Variants in HLA-DMB observed in about 807,000 individuals in gnomAD.
The protein encoded by HLA-DMB is major histocompatibility complex, class II, DM beta.
In HLA-DMB, 18 loss-of-function variants were observed where a neutral mutation model predicts 29.3. The ratio of observed to expected loss-of-function variants is 0.62; its 90% CI spans 0.43 to 0.91. The LOEUF (loss-of-function observed/expected upper bound fraction) is 0.91, where lower values mean the gene tolerates loss of function less well. HLA-DMB is among the 40% of genes least tolerant of loss of function. The pLI, the probability that HLA-DMB is intolerant of heterozygous loss-of-function variation, is 0.00. For synonymous variants in HLA-DMB, 143 were observed against 128.7 expected (o/e 1.11, Z -0.75); for missense variants, 258 against 320.9 (o/e 0.80, Z 1.50).
At chr6:32,935,897 C>G in intron 3 of HLA-DMB, 2 of 548,036 alleles carry the variant, frequency 3.6e-6, no homozygotes, top group Middle Eastern at 4.8e-4. Context: ...CTTCCAGGTC[C>G]TCTCTAATAC....
rs1776069190 is a variant in HLA-DMB, at chr6:32,937,356, A to G, written c.438T>C (p.Thr146=). 1 of 1,614,196 alleles carries G rather than the reference A, an allele frequency of 6.2e-7. No individual in the cohort carries two copies. The highest frequency in any genetic ancestry group is 1.1e-5 in the South Asian group (1 of 91,088). The change falls in exon 3 of 6, where the codon ACT becomes ACC. Residue 146 remains threonine, a synonymous_variant. Transcript: ENST00000418107. The surrounding 1 kb of genome is among the most constrained non-coding windows in gnomAD (Gnocchi z 4.1). The part of the protein sequence containing the change: ...YVWGFYPAEV[T]ITWRKNGKLV... ...GCTTCCCGTTCTTCCTCCACGTGATAGTCACTTCTGCTGGATAGAAGCCCC... is the reference window on the plus strand; with the variant it reads ...GCTTCCCGTTCTTCCTCCACGTGATGGTCACTTCTGCTGGATAGAAGCCCC...
chr6:32,938,042 A>G (rs1414533021), intron 2 of HLA-DMB: 1 of 153,068 alleles, frequency 6.5e-6, no homozygotes, highest in Non-Finnish European at 1.5e-5. Context: ...CTATCTTGAC[A>G]TTTTTCAAAC....
At chr6:32,940,668 G>A in intron 1 of HLA-DMB, 85 bp downstream of exon 1, 4 of 946,770 alleles carry the variant, frequency 4.2e-6, no homozygotes, top group Non-Finnish European at 4.9e-6. Flanking sequence ...ACTATCTGGG[G>A]TGTCAAATGC....
Position 32,937,064 on chromosome 6 carries a change from A to G in HLA-DMB, c.622+108T>C, listed in dbSNP as rs1273270029. The G allele has an allele frequency of 5.5e-6, 5 of 905,986 alleles. No individual in the cohort carries two copies. The highest frequency in any genetic ancestry group is 8.1e-6 in the Non-Finnish European group (5 of 619,534). 56.1% of individuals were successfully genotyped at this position (905,986 alleles called of 1,614,324 possible). Reference sequence around the variant, plus strand: ...CTAAGCCCCCCGTAAGTTCCTCCAGACTCAGTCCCCATTTTCAGCACTTCG... The same window carrying G: ...CTAAGCCCCCCGTAAGTTCCTCCAGGCTCAGTCCCCATTTTCAGCACTTCG... On this transcript the variant is annotated intron_variant, in intron 3 of 5. Transcript: ENST00000418107. This position sits in a 1 kb window ranked among gnomAD's most constrained non-coding sequence, Gnocchi z 4.1.
In HLA-DMB at chr6:32,937,160, C is replaced by A; in HGVS notation, c.622+12G>T. 1 of 1,570,198 alleles carries A rather than the reference C, an allele frequency of 6.4e-7. No individual in the cohort carries two copies. The highest frequency in any genetic ancestry group is 1.2e-5 in the South Asian group (1 of 84,842). On this transcript the variant is annotated intron_variant, in intron 3 of 5. Transcript: ENST00000418107. This position sits in a 1 kb window ranked among gnomAD's most constrained non-coding sequence, Gnocchi z 4.1. The stretch of plus-strand genomic sequence containing the variant: ...CTTTGACCCTAATTCCATCCATCTG[C>A]CATACACTTACTCCAGTCCCGAAGG...
At chr6:32,939,154 A>G (rs2127470664) in intron 1 of HLA-DMB, among the ~76,000 whole-genome samples, 189 bp from the exon 2 acceptor site, 1 of 152,256 alleles carries the variant, frequency 6.6e-6, no homozygotes, top group Middle Eastern at 3.4e-3. Context: ...ATCGCTTAGA[A>G]TTTCCTAGAT....
chr6:32,936,992 C>A, intron 3 of HLA-DMB, 180 bp downstream of exon 3: 1 of 461,268 alleles, frequency 2.2e-6, no homozygotes, highest in Non-Finnish European at 3.7e-6. Flanking sequence ...TACTTTTGCA[C>A]CAACCTAAAT....
At chr6:32,935,462 A>G in intron 4 of HLA-DMB, 74 bp downstream of exon 4, 1 of 1,505,116 alleles carries the variant, frequency 6.6e-7, no homozygotes. Flanking sequence ...TAGGAAGGAG[A>G]GAGTTAATCA....
Position 32,935,581 on chromosome 6 carries a change from T to C in HLA-DMB, c.694A>G (p.Ile232Val). 3 of 1,612,952 alleles carry C rather than the reference T, an allele frequency of 1.9e-6. No individual in the cohort carries two copies. Among genetic ancestry groups the C allele is most frequent in the Non-Finnish European group, 2.5e-6 (3 of 1,179,990 alleles). The change falls in exon 4 of 6, where the codon ATC becomes GTC. Residue 232 changes from isoleucine (I) to valine (V), a missense_variant. Transcript: ENST00000418107. ...CAGCTGATCACACCAAGAGAGAAGA[T>C]GATGAGGCCCAGGCCCAGAGTCACT... is the stretch of plus-strand genomic sequence containing the variant. ...SAVTLGLGLI[I>V]FSLGVISWRR...
chr6:32,938,597 C>G (rs1776149822), intron 2 of HLA-DMB, 87 bp downstream of exon 2: 1 of 1,295,910 alleles, frequency 7.7e-7, no homozygotes. Context: ...GCTCAAATCT[C>G]AAACCCCTGG....
rs194675 is a variant in HLA-DMB, at chr6:32,937,969, T to C, written c.338-513A>G. On this transcript the variant is annotated intron_variant, in intron 2 of 5. Transcript: ENST00000418107. This position sits in a 1 kb window ranked among gnomAD's most constrained non-coding sequence, Gnocchi z 4.1. ...TTTGGAATGAATGTAGTCAAACTAATGAGATTGCTAATACTGCCATCTTTT... is the reference window on the plus strand; with the variant it reads ...TTTGGAATGAATGTAGTCAAACTAACGAGATTGCTAATACTGCCATCTTTT... 1 of 154,798 alleles carries C rather than the reference T, an allele frequency of 6.5e-6. No homozygotes were observed. Among genetic ancestry groups the C allele is most frequent in the South Asian group, 2.0e-4 (1 of 4,928 alleles). The allele number at this position is 154,798 out of a possible 1,614,324, so 9.6% of individuals were successfully genotyped here.
Position 32,935,033 on chromosome 6 carries a change from GC to G in HLA-DMB, c.776-47del, listed in dbSNP as rs1561857426. The G allele has an allele frequency of 3.7e-6, 6 of 1,609,862 alleles. No homozygotes were observed. The Admixed American group carries it at 8.3e-5, about 22-fold the overall frequency. ...AGATAATGAGGCTTCAACCCAACTTGCCCCCATCGTTTGTCACTGTAACCAT... is the reference window on the plus strand; with the variant it reads ...AGATAATGAGGCTTCAACCCAACTTGCCCCATCGTTTGTCACTGTAACCAT... On this transcript the variant is annotated intron_variant, in intron 5 of 5. Transcript: ENST00000418107.
In HLA-DMB at chr6:32,934,840, T is replaced by C. The variant is rs545108607; in HGVS notation, c.*131A>G. On this transcript the variant is annotated 3_prime_UTR_variant, in exon 6 of 6. Transcript: ENST00000418107. Reference sequence around the variant, plus strand: ...TTTTACATAGGGGAGACTGGGAAATTCAAAGAATTGGATGGAGAAACCATA... The same window carrying C: ...TTTTACATAGGGGAGACTGGGAAATCCAAAGAATTGGATGGAGAAACCATA... 50 of 982,512 alleles carry C rather than the reference T, an allele frequency of 5.1e-5. No homozygotes were observed. The South Asian group carries it at 5.7e-4, about 11-fold the overall frequency. 60.9% of individuals were successfully genotyped at this position (982,512 alleles called of 1,614,324 possible). A position where few individuals can be genotyped will look rare whatever the true frequency, so the allele number is the denominator to read the frequency against.
Position 32,934,952 on chromosome 6 carries a change from A to T in HLA-DMB, c.*19T>A. 6.2e-7 allele frequency: 1 copy of T among 1,611,916 alleles called. No individual in the cohort carries two copies. Among genetic ancestry groups the T allele is most frequent in the Non-Finnish European group, 8.5e-7 (1 of 1,179,068 alleles). ...TGAATCTCCTTCTCACTTGGAGTGG[A>T]AGTTGTAGGATTCTGCCTCTAGGAA... is the stretch of plus-strand genomic sequence containing the variant. On this transcript the variant is annotated 3_prime_UTR_variant, in exon 6 of 6. Coordinates refer to ENST00000418107, the MANE Select transcript of HLA-DMB (RefSeq NM_002118.5).
Position 32,941,017 on chromosome 6 carries a change from C to T in HLA-DMB, c.-210G>A. The T allele has an allele frequency of 1.9e-6, 1 of 514,660 alleles. No individual in the cohort carries two copies. Among genetic ancestry groups the T allele is most frequent in the East Asian group, 2.9e-5 (1 of 34,476 alleles). The allele number at this position is 514,660 out of a possible 1,614,324, so 31.9% of individuals were successfully genotyped here. ...TATTAAATCTGTTCCTTCCAGCTCA[C>T]GGGAGTCCAGTGTCCCAAACAGGGA... On this transcript the variant is annotated 5_prime_UTR_variant, in exon 1 of 6. In the 5' UTR this introduces an upstream ATG that the reference lacks. Transcript: ENST00000418107. This position sits in a 1 kb window ranked among gnomAD's most constrained non-coding sequence, Gnocchi z 5.2.
chr6:32,940,685 A>G (rs753020239), intron 1 of HLA-DMB, 68 bp downstream of exon 1: 5 of 1,297,456 alleles, frequency 3.9e-6, no homozygotes, highest in Non-Finnish European at 5.4e-6. Flanking sequence ...ATGCAATTAC[A>G]AAACGGAACA....
chr6:32,935,586 A>G lies in HLA-DMB; in HGVS notation c.689T>C (p.Leu230Pro). 1 of 1,613,058 alleles carries G rather than the reference A, an allele frequency of 6.2e-7. No homozygotes were observed. Among genetic ancestry groups the G allele is most frequent in the South Asian group, 1.1e-5 (1 of 91,084 alleles). ...GATCACACCAAGAGAGAAGATGATG[A>G]GGCCCAGGCCCAGAGTCACTGCAGA... ...SVSAVTLGLG[L>P]IIFSLGVISW... Residue 230 changes from leucine (L) to proline (P), a missense_variant, in exon 4 of 6, where the codon CTC (leucine) becomes CCC (proline). By Grantham distance (98) the Leu-to-Pro change is moderately conservative. Coordinates refer to ENST00000418107, the MANE Select transcript of HLA-DMB (RefSeq NM_002118.5).
At chr6:32,940,622 T>C (rs1776300191) in intron 1 of HLA-DMB, 131 bp downstream of exon 1, 2 of 608,540 alleles carry the variant, frequency 3.3e-6, no homozygotes, top group Non-Finnish European at 5.8e-6. Context: ...TGCTACAAAG[T>C]ACAAAGTGCT....
At chr6:32,936,206 G>A (rs147099971) in intron 3 of HLA-DMB, 2 of 154,294 alleles carry the variant, frequency 1.3e-5, no homozygotes, top group East Asian at 3.9e-4. Context: ...GGCCGGTCCT[G>A]TTCTGAATCA....
Sources: allele counts gnomAD v4.1 joint callset (sites outside exome capture counted in the v4.1 genomes callset), GRCh38; gene constraint gnomAD v4.1.1; non-coding constraint Gnocchi (gnomAD v3.1); transcripts MANE v1.5; gene names NCBI Gene and HGNC (gene_info 2026-07-23, HGNC 2026-07-21).